The following BLVRA variants were observed in gnomAD, a reference collection of about 807,000 sequenced individuals.
BLVRA encodes the protein biliverdin reductase A, also known as BVR A.
A neutral mutation model predicts 32.8 loss-of-function variants in BLVRA; 22 were observed. The observed-to-expected ratio is 0.67, with a 90% CI of 0.48 to 0.96. The LOEUF (loss-of-function observed/expected upper bound fraction) is 0.96. Among genes scored for constraint, BLVRA ranks in the 40% least tolerant of loss-of-function variants. The pLI is 0.00. For missense variants in BLVRA, 323 were observed against 358.1 expected (o/e 0.90, Z 0.79); for synonymous variants, 119 against 141.3 (o/e 0.84, Z 1.12).
At chr7:43,761,604 C>G (rs1011743457) in intron 1 of BLVRA, among the ~76,000 whole-genome samples, 2 of 152,090 alleles carry the variant, frequency 1.3e-5, no homozygotes, top group African/African-American at 4.8e-5. Context: ...ATGTTAATGG[C>G]CTTGAAGGAA....
At chr7:43,801,799 C>CT (rs1181969906) in intron 6 of BLVRA, among the ~76,000 whole-genome samples, 3 of 152,222 alleles carry the variant, frequency 2.0e-5, no homozygotes, top group African/African-American at 4.8e-5. Context: ...GCTCAGCTCT[C>CT]TAAGTGGCTG....
chr7:43,790,823 C>T (rs896700733), intron 3 of BLVRA, among the ~76,000 whole-genome samples: 82 of 152,214 alleles, frequency 5.4e-4, no homozygotes, highest in Admixed American at 5.2e-3. Flanking sequence ...CAGGCGCCCA[C>T]CACCACATTT....
At chr7:43,758,296 G>C (rs2095738199), upstream of BLVRA, among the ~76,000 whole-genome samples, 4 of 115,666 alleles carry the variant, frequency 3.5e-5, no homozygotes, top group Admixed American at 3.3e-4. Context: ...GGTGAGTGGG[G>C]GGCGGATAAG....
At chr7:43,797,486 G>A (rs568621641) in intron 5 of BLVRA, among the ~76,000 whole-genome samples, 4 of 152,314 alleles carry the variant, frequency 2.6e-5, no homozygotes, top group Middle Eastern at 6.8e-3. Flanking sequence ...CATAACTTGT[G>A]TATGAACCGG....
At chr7:43,790,399 A>G (rs1470668966) in intron 3 of BLVRA, among the ~76,000 whole-genome samples, 2 of 152,010 alleles carry the variant, frequency 1.3e-5, no homozygotes, top group Non-Finnish European at 2.9e-5. Context: ...TCACCTTCCA[A>G]TGAGCTCAGT....
intron 2 of BLVRA, among the ~76,000 whole-genome samples, chr7:43,777,808 AT>A (rs1332690119): frequency 3.9e-5 from 6 of 152,206 alleles, no homozygotes; most frequent in Admixed American, 3.3e-4. Flanking sequence ...GTCTTTTCAC[AT>A]AGTCCCATAT....
chr7:43,778,895 G>A (rs2095765112), intron 2 of BLVRA, among the ~76,000 whole-genome samples: 1 of 152,246 alleles, frequency 6.6e-6, no homozygotes, highest in Non-Finnish European at 1.5e-5. Context: ...CCACCTTGCA[G>A]TTTGATCTCA....
chr7:43,765,556 T>G (rs182102291), intron 1 of BLVRA, among the ~76,000 whole-genome samples: 64 of 152,320 alleles, frequency 4.2e-4, no homozygotes, highest in African/African-American at 1.4e-3. Context: ...CCGGCCTATT[T>G]ATTTATTTTT....
At chr7:43,763,265 G>T (rs2095744376) in intron 1 of BLVRA, among the ~76,000 whole-genome samples, 1 of 152,188 alleles carries the variant, frequency 6.6e-6, no homozygotes. Context: ...TTCCAGACCT[G>T]CTGTGGCCAT....
intron 7 of BLVRA, among the ~76,000 whole-genome samples, chr7:43,804,492 T>C (rs2095802097): frequency 6.6e-6 from 1 of 152,182 alleles, no homozygotes; most frequent in South Asian, 2.1e-4. Flanking sequence ...CCTGATTTTT[T>C]TCCTGTGTTT....
At chr7:43,768,293 G>A (rs895150891) in intron 1 of BLVRA, among the ~76,000 whole-genome samples, 8 of 152,112 alleles carry the variant, frequency 5.3e-5, no homozygotes, top group Non-Finnish European at 7.4e-5. Context: ...CCGTTTGACC[G>A]TCGTTGTTGC....
chr7:43,804,299 G>A (rs990261878), intron 7 of BLVRA, among the ~76,000 whole-genome samples: 9 of 152,236 alleles, frequency 5.9e-5, no homozygotes, highest in South Asian at 2.1e-4. Context: ...AAAATTAGCC[G>A]GTGTGGCGGT....
chr7:43,775,731 G>T (rs2095760040), intron 2 of BLVRA, among the ~76,000 whole-genome samples: 1 of 152,184 alleles, frequency 6.6e-6, no homozygotes, highest in South Asian at 2.1e-4. Flanking sequence ...GCTCCTCCTT[G>T]TACCTCTGGT....
chr7:43,787,754 G>A lies in BLVRA; in HGVS notation c.13-150G>A. ...TCTCCAAGCCCCCATTTCGGGGACT[G>A]TCTCATCCCATCCTGATGCTGTGGC... On this transcript the variant is annotated intron_variant, in intron 2 of 7. Transcript: ENST00000265523. This position sits in a 1 kb window ranked among gnomAD's most constrained non-coding sequence, Gnocchi z 4.5. The A allele has an allele frequency of 3.3e-6, 4 of 1,228,688 alleles. No individual in the cohort carries two copies. Among genetic ancestry groups the A allele is most frequent in the Non-Finnish European group, 3.6e-6 (3 of 838,924 alleles). The allele number at this position is 1,228,688 out of a possible 1,614,324, so 76.1% of individuals were successfully genotyped here.
At chr7:43,801,484 A>G (rs867627493) in intron 6 of BLVRA, among the ~76,000 whole-genome samples, 1 of 152,230 alleles carries the variant, frequency 6.6e-6, no homozygotes, top group South Asian at 2.1e-4. Flanking sequence ...CATTACAGAA[A>G]GGAGACCCTG....
chr7:43,792,652 C>T lies in BLVRA; in HGVS notation c.255-63C>T, dbSNP rs2095787388. The stretch of plus-strand genomic sequence containing the variant: ...TTATAACATTCTGTTCTCTATTATG[C>T]AGAGCATTTCAGTGAAGCTTATTCG... On this transcript the variant is annotated intron_variant, in intron 4 of 7. Transcript: ENST00000265523. The T allele has an allele frequency of 7.0e-6, 10 of 1,433,404 alleles. No homozygotes were observed. In the East Asian group the frequency reaches 2.3e-4, roughly 33 times the overall value. The allele number at this position is 1,433,404 out of a possible 1,614,324, so 88.8% of individuals were successfully genotyped here. A position where few individuals can be genotyped will look rare whatever the true frequency, so the allele number is the denominator to read the frequency against.
intron 2 of BLVRA, among the ~76,000 whole-genome samples, chr7:43,774,439 A>C (rs1158609354): frequency 2.6e-5 from 4 of 152,096 alleles, no homozygotes; most frequent in Admixed American, 6.6e-5. Context: ...GTCAAAGATC[A>C]GATAGTTGTA....
intron 1 of BLVRA, among the ~76,000 whole-genome samples, chr7:43,762,330 G>A (rs1005118067): frequency 6.6e-6 from 1 of 151,402 alleles, no homozygotes; most frequent in Non-Finnish European, 1.5e-5. Context: ...TTTTCCCCCC[G>A]AGTACAACAA....
At chr7:43,768,471 G>C (rs961344685) in intron 1 of BLVRA, among the ~76,000 whole-genome samples, 3 of 152,178 alleles carry the variant, frequency 2.0e-5, no homozygotes, top group Admixed American at 2.0e-4. Flanking sequence ...TGCCTTGGCT[G>C]TGAAGCAGGG....
Sources: gnomAD v4.1 joint callset for allele counts (sites outside exome capture counted in the v4.1 genomes callset) on GRCh38, gnomAD v4.1.1 for gene constraint, Gnocchi (gnomAD v3.1) non-coding constraint, MANE v1.5 for transcripts, NCBI Gene and HGNC (gene_info 2026-07-23, HGNC 2026-07-21) for gene names.